MUC7: variants seen among roughly 807,000 people sequenced by gnomAD.
MUC7 encodes mucin 7, secreted, also known as mucin-7.
A neutral mutation model predicts 2.5 loss-of-function variants in MUC7; 2 were observed. The observed-to-expected ratio is 0.81, with a 90% confidence interval of 0.33 to 2.55. The LOEUF is 2.55. Ranked by LOEUF, MUC7 falls within the 30% of genes most tolerant of loss-of-function variation. MUC7 has a pLI of 0.11. For missense variants in MUC7, 408 were observed against 455.6 expected (o/e 0.90, Z 0.95); for synonymous variants, 133 against 173.4 (o/e 0.77, Z 1.83).
At chr4:70,444,373 T>G (rs1393807788) in intron 1 of MUC7, among the ~76,000 whole-genome samples, 1 of 152,200 alleles carries the variant, frequency 6.6e-6, no homozygotes, top group Non-Finnish European at 1.5e-5. Flanking sequence ...TCACTGCTGC[T>G]GTCAAGACAA....
At chr4:70,454,885 TTTATA>T (rs1472337941) in intron 1 of MUC7, among the ~76,000 whole-genome samples, 1 of 152,156 alleles carries the variant, frequency 6.6e-6, no homozygotes, top group Non-Finnish European at 1.5e-5. Context: ...CAAAAATAAT[TTTATA>T]TTCTTTTCTT....
At chr4:70,448,716 G>C (rs1420430934) in intron 1 of MUC7, among the ~76,000 whole-genome samples, 6 of 152,176 alleles carry the variant, frequency 3.9e-5, no homozygotes, top group African/African-American at 1.4e-4. Context: ...CTCCCATTCT[G>C]TGGGTTGTCT....
chr4:70,447,123 A>G (rs1188150093), intron 1 of MUC7, among the ~76,000 whole-genome samples: 2 of 152,168 alleles, frequency 1.3e-5, no homozygotes, highest in African/African-American at 4.8e-5. Context: ...CAAACAAACC[A>G]TTTGAGAGGA....
intron 1 of MUC7, among the ~76,000 whole-genome samples, chr4:70,440,405 C>T (rs995851506): frequency 1.3e-5 from 2 of 152,158 alleles, no homozygotes; most frequent in Non-Finnish European, 2.9e-5. Flanking sequence ...TGAGCACATG[C>T]ATCATATCTG....
intron 2 of MUC7, among the ~76,000 whole-genome samples, chr4:70,477,612 C>G (rs750244834): frequency 6.6e-6 from 1 of 152,114 alleles, no homozygotes. Context: ...CCAGCCTACT[C>G]TATCCTTGTT....
chr4:70,460,999 T>C (rs1186075273), intron 1 of MUC7, among the ~76,000 whole-genome samples: 1 of 152,184 alleles, frequency 6.6e-6, no homozygotes, highest in African/African-American at 2.4e-5. Flanking sequence ...ATCTCTCCCA[T>C]AGTCAGATTG....
intron 1 of MUC7, among the ~76,000 whole-genome samples, chr4:70,455,988 C>G (rs1438670541): frequency 6.6e-6 from 1 of 152,108 alleles, no homozygotes; most frequent in Non-Finnish European, 1.5e-5. Context: ...TTCCTAATTT[C>G]CATGTGAGAC....
chr4:70,482,088 G>C lies in MUC7; in HGVS notation c.*210G>C, dbSNP rs527464083. On this transcript the variant is annotated 3_prime_UTR_variant, in exon 3 of 3. Transcript: ENST00000304887. ...ATCCCACAAGCCAGATGCAGGTCTG[G>C]GGTTCAAAATAACTCTTTGGATCCT... is the stretch of plus-strand genomic sequence containing the variant. 37 of 619,270 alleles carry C rather than the reference G, an allele frequency of 6.0e-5. No homozygotes were observed. The highest frequency in any genetic ancestry group is 5.9e-4 in the African/African-American group (32 of 54,230). The allele number at this position is 619,270 out of a possible 1,614,324, so 38.4% of individuals were successfully genotyped here.
chr4:70,455,555 C>T (rs1327404053), intron 1 of MUC7, among the ~76,000 whole-genome samples: 9 of 152,014 alleles, frequency 5.9e-5, no homozygotes, highest in Non-Finnish European at 1.3e-4. Flanking sequence ...CTGTTGAGTG[C>T]CTTATGGACA....
At chr4:70,465,925 C>T (rs1461032936) in intron 1 of MUC7, among the ~76,000 whole-genome samples, 6 of 152,148 alleles carry the variant, frequency 3.9e-5, no homozygotes, top group Non-Finnish European at 8.8e-5. Context: ...TTGAGAAGAA[C>T]AACCCCAAGA....
upstream of MUC7, among the ~76,000 whole-genome samples, chr4:70,469,428 G>A (rs1480962407): frequency 6.6e-6 from 1 of 152,190 alleles, no homozygotes; most frequent in African/African-American, 2.4e-5. Context: ...AAACTAAAGA[G>A]CTTCTGCACA....
At chr4:70,454,409 G>A (rs764148730) in intron 1 of MUC7, among the ~76,000 whole-genome samples, 4 of 152,154 alleles carry the variant, frequency 2.6e-5, no homozygotes, top group Non-Finnish European at 5.9e-5. Context: ...GCCCGGTTTT[G>A]TTTTGTGCTG....
In MUC7 at chr4:70,447,964, A is replaced by G. The variant is rs141713151; in HGVS notation, c.-93+17277A>G. Among the ~76,000 whole-genome samples, 1,105 of 152,174 alleles carry G rather than the reference A, an allele frequency of 7.3e-3. 10 individuals are homozygous for G. Among genetic ancestry groups the G allele is most frequent in the Non-Finnish European group, 0.012 (828 of 67,988 alleles). On this transcript the variant is annotated intron_variant, in intron 1 of 3. Coordinates refer to the MUC7 transcript ENST00000413702. ...CATTACCTTCCCAGCCTCTAATAAC[A>G]ATGCTTCTACTCTCTATGTCCATGA...
chr4:70,465,022 C>T (rs762162700), intron 1 of MUC7, among the ~76,000 whole-genome samples: 2 of 152,118 alleles, frequency 1.3e-5, no homozygotes, highest in Non-Finnish European at 2.9e-5. Flanking sequence ...CTGGCAAGTG[C>T]CCCTCTGGGA....
At chr4:70,471,421 T>C (rs1734830539), upstream of MUC7, among the ~76,000 whole-genome samples, 1 of 152,108 alleles carries the variant, frequency 6.6e-6, no homozygotes, top group South Asian at 2.1e-4. Flanking sequence ...ATAAACTCAA[T>C]TTTAGATTAT....
At position 70,481,751 on chromosome 4, in the gene MUC7, C is replaced by G; in HGVS notation, c.1007C>G (p.Ser336Trp). ...SAAPTHQTTT[S>W]VTTQTTTTKQ... Reference sequence around the variant, plus strand: ...GCACCCACACACCAGACTACTACTTCGGTCACTACTCAAACTACTACTACT... The same window carrying G: ...GCACCCACACACCAGACTACTACTTGGGTCACTACTCAAACTACTACTACT... Residue 336 changes from serine (S) to tryptophan (W), a missense_variant, in exon 3 of 3, where the codon TCG becomes TGG. Ser to Trp is a radical substitution (Grantham distance 177). This residue lies in a region of MUC7 where 175 missense variants were observed against 187.1 expected (regional missense o/e 0.94). Coordinates refer to ENST00000304887, the MANE Select transcript of MUC7 (RefSeq NM_152291.3). The G allele has an allele frequency of 6.2e-7, 1 of 1,614,228 alleles. No homozygotes were observed. Among genetic ancestry groups the G allele is most frequent in the Non-Finnish European group, 8.5e-7 (1 of 1,180,044 alleles).
chr4:70,434,514 T>A (rs544567290), intron 1 of MUC7, among the ~76,000 whole-genome samples: 130 of 152,316 alleles, frequency 8.5e-4, no homozygotes, highest in African/African-American at 2.9e-3. Context: ...CATAGAGGTG[T>A]TTATAGTATT....
chr4:70,450,332 C>A (rs1320508534), intron 1 of MUC7, among the ~76,000 whole-genome samples: 5 of 152,172 alleles, frequency 3.3e-5, no homozygotes, highest in Non-Finnish European at 7.4e-5. Context: ...ACTCACCCTT[C>A]AGGACAGTGG....
chr4:70,463,199 C>CAA (rs11408724), intron 1 of MUC7, among the ~76,000 whole-genome samples: 236 of 151,450 alleles, frequency 1.6e-3, no homozygotes, highest in Middle Eastern at 0.01. Flanking sequence ...CTTCAAACCA[C>CAA]AAAAAAAAAT....
Sources: allele counts gnomAD v4.1 joint callset (sites outside exome capture counted in the v4.1 genomes callset), GRCh38; gene constraint gnomAD v4.1.1; regional missense constraint gnomAD v4.1.1; transcripts MANE v1.5; gene names NCBI Gene and HGNC (gene_info 2026-07-23, HGNC 2026-07-21).